SRGAP1: variants seen among roughly 807,000 people sequenced by gnomAD.
SRGAP1 encodes the protein SLIT-ROBO Rho GTPase-activating protein 1.
In SRGAP1, 43 loss-of-function variants were observed where a neutral mutation model predicts 121.9. The observed-to-expected ratio is 0.35, with a 90% CI of 0.28 to 0.46. The LOEUF is 0.46. Among genes scored for constraint, SRGAP1 ranks in the 20% least tolerant of loss-of-function variants. The pLI is 1.00. For synonymous variants in SRGAP1, 447 were observed against 485.4 expected, an observed-to-expected ratio of 0.92 and a Z score of 1.04; for missense variants, 1,102 against 1,350.9, an observed-to-expected ratio of 0.82 and a Z score of 2.89.
intron 21 of SRGAP1, among the ~76,000 whole-genome samples, chr12:64,139,360 T>G (rs2036920627): frequency 1.3e-5 from 2 of 152,240 alleles, no homozygotes; most frequent in Admixed American, 1.3e-4. Flanking sequence ...CTCAAAAATT[T>G]GTTGAATGAA....
chr12:64,135,481 TGAACTTAG>T (rs2036843794), intron 21 of SRGAP1, among the ~76,000 whole-genome samples: 1 of 152,186 alleles, frequency 6.6e-6, no homozygotes, highest in African/African-American at 2.4e-5. Context: ...CTTTGTCCAC[TGAACTTAG>T]GAACAACCAA....
At chr12:64,047,268 G>A (rs1303812266) in intron 6 of SRGAP1, among the ~76,000 whole-genome samples, 1 of 152,162 alleles carries the variant, frequency 6.6e-6, no homozygotes, top group Admixed American at 6.6e-5. Context: ...AAGGCAATTA[G>A]AGTGTGAATA....
chr12:64,091,320 G>A lies in SRGAP1; in HGVS notation c.1481G>A (p.Arg494Lys). Residue 494 changes from arginine (R) to lysine (K), a missense_variant, in exon 12 of 22, where the codon AGG becomes AAG. Coordinates refer to ENST00000355086, the MANE Select transcript of SRGAP1 (RefSeq NM_020762.4). ...AAGCCCCAGAAACACAGGAAGTCCA[G>A]GCCCCGCTCACAGTATAATACTAAG... is the stretch of plus-strand genomic sequence containing the variant. ...PPKPQKHRKS[R>K]PRSQYNTKLF... The A allele has an allele frequency of 6.2e-7, 1 of 1,611,108 alleles. No homozygotes were observed. The highest frequency in any genetic ancestry group is 8.5e-7 in the Non-Finnish European group (1 of 1,178,268).
chr12:63,985,741 C>G (rs1330733067), intron 2 of SRGAP1, among the ~76,000 whole-genome samples: 2 of 152,154 alleles, frequency 1.3e-5, no homozygotes, highest in Non-Finnish European at 2.9e-5. Flanking sequence ...CTGAGAGCTT[C>G]CTCCCCACCA....
At chr12:63,885,103 C>G (rs1297264996) in intron 1 of SRGAP1, among the ~76,000 whole-genome samples, 1 of 152,028 alleles carries the variant, frequency 6.6e-6, no homozygotes, top group Admixed American at 6.6e-5. Flanking sequence ...TTCCTCTACT[C>G]TCACACTACA....
chr12:63,871,673 C>T, intron 1 of SRGAP1: 1 of 667,416 alleles, frequency 1.5e-6, no homozygotes, highest in East Asian at 2.6e-5. Context: ...CTGTATTTTC[C>T]TACAGGTAAT....
chr12:63,948,982 ATTCCATATATGTATT>A (rs2032165955), intron 1 of SRGAP1, among the ~76,000 whole-genome samples: 1 of 125,660 alleles, frequency 8.0e-6, no homozygotes, highest in African/African-American at 3.1e-5. Flanking sequence ...ATATATATAT[ATTCCATATATGTATT>A]TTCCATATAT....
intron 4 of SRGAP1, among the ~76,000 whole-genome samples, chr12:64,029,992 C>T (rs1295241524): frequency 1.3e-5 from 2 of 152,138 alleles, no homozygotes; most frequent in Admixed American, 1.3e-4. Context: ...ACCATTCTCT[C>T]TTTACCCCAC....
rs186477793 is a variant in SRGAP1, at chr12:64,086,900, A to T, written c.1409-99A>T. The stretch of plus-strand genomic sequence containing the variant: ...CATAAAAACGTGTAAGTTATTACAA[A>T]CTCAGTGTTTTAAAATACCGGATAG... On this transcript the variant is annotated intron_variant, in intron 10 of 21. Coordinates refer to ENST00000355086, the MANE Select transcript of SRGAP1 (RefSeq NM_020762.4). The T allele has an allele frequency of 3.6e-6, 3 of 837,146 alleles. No individual in the cohort carries two copies. The Admixed American group carries it at 7.0e-5, about 20-fold the overall frequency. The allele number at this position is 837,146 out of a possible 1,614,324, so 51.9% of individuals were successfully genotyped here. A position where few individuals can be genotyped will look rare whatever the true frequency, so the allele number is the denominator to read the frequency against.
At chr12:63,894,546 A>G (rs1024513158) in intron 1 of SRGAP1, among the ~76,000 whole-genome samples, 1 of 151,142 alleles carries the variant, frequency 6.6e-6, no homozygotes, top group African/African-American at 2.4e-5. Context: ...ATATGTATAT[A>G]TGTGCCATGT....
At chr12:64,010,844 T>C (rs2034232016) in intron 3 of SRGAP1, among the ~76,000 whole-genome samples, 1 of 151,662 alleles carries the variant, frequency 6.6e-6, no homozygotes. Context: ...AACAAGGTAG[T>C]TTGAACACAG....
chr12:63,929,482 AAAC>A (rs1263810425), intron 1 of SRGAP1, among the ~76,000 whole-genome samples: 1 of 152,140 alleles, frequency 6.6e-6, no homozygotes, highest in Admixed American at 6.5e-5. Context: ...AGATTTTATA[AAAC>A]AACGATACCT....
chr12:63,918,342 A>G (rs2030886698), intron 1 of SRGAP1, among the ~76,000 whole-genome samples: 1 of 152,204 alleles, frequency 6.6e-6, no homozygotes. Context: ...CCAGCTAAGA[A>G]GACTAATGAG....
intron 11 of SRGAP1, among the ~76,000 whole-genome samples, chr12:64,089,288 A>G (rs1358690480): frequency 6.6e-6 from 1 of 152,164 alleles, no homozygotes; most frequent in Non-Finnish European, 1.5e-5. Context: ...AGCCTATTCT[A>G]AACCTGCTTG....
At chr12:63,953,157 G>A (rs1454369373) in intron 1 of SRGAP1, among the ~76,000 whole-genome samples, 1 of 152,146 alleles carries the variant, frequency 6.6e-6, no homozygotes, top group Non-Finnish European at 1.5e-5. Flanking sequence ...ATACCAGATT[G>A]TCCAGTGGCT....
chr12:63,997,202 A>G (rs886956461), intron 3 of SRGAP1, among the ~76,000 whole-genome samples: 1 of 152,114 alleles, frequency 6.6e-6, no homozygotes, highest in Non-Finnish European at 1.5e-5. Flanking sequence ...AAAATGATAC[A>G]CCTGCATAGG....
intron 3 of SRGAP1, among the ~76,000 whole-genome samples, chr12:64,015,579 T>G (rs1234250994): frequency 6.6e-6 from 1 of 152,176 alleles, no homozygotes; most frequent in Non-Finnish European, 1.5e-5. Context: ...CCCACACTAT[T>G]TTATCTTCCA....
chr12:63,913,843 G>A (rs2030662009), intron 1 of SRGAP1, among the ~76,000 whole-genome samples: 1 of 151,744 alleles, frequency 6.6e-6, no homozygotes, highest in African/African-American at 2.4e-5. Context: ...ATTGGAGATT[G>A]CATTTTTATA....
chr12:64,003,791 A>C (rs1469069828), intron 3 of SRGAP1, among the ~76,000 whole-genome samples: 1 of 152,034 alleles, frequency 6.6e-6, no homozygotes, highest in Non-Finnish European at 1.5e-5. Flanking sequence ...AAACTAGTTG[A>C]AAAATAATTG....
Sources: allele counts gnomAD v4.1 joint callset (sites outside exome capture counted in the v4.1 genomes callset), GRCh38; gene constraint gnomAD v4.1.1; transcripts MANE v1.5; gene names NCBI Gene and HGNC (gene_info 2026-07-23, HGNC 2026-07-21).